The following LAMA5 variants were observed in gnomAD, a reference collection of about 807,000 sequenced individuals.
LAMA5 encodes laminin subunit alpha-5.
Under a neutral mutation model 433.4 loss-of-function variants are expected in LAMA5, and 260 were observed. The ratio of observed to expected loss-of-function variants is 0.60; its 90% CI spans 0.54 to 0.66. The LOEUF is 0.66. LAMA5 is among the 30% of genes least tolerant of loss of function. The pLI is 0.00. For synonymous variants in LAMA5, 2,620 were observed against 2,226.6 expected (o/e 1.18, Z -4.97); for missense variants, 5,378 against 5,258.5 (o/e 1.02, Z -0.70).
chr20:62,330,705 C>CCTGA, intron 30 of LAMA5, 38 bp downstream of exon 30: 1 of 1,555,522 alleles, frequency 6.4e-7, no homozygotes. Context: ...GGAGTCCTGC[C>CCTGA]CTGACACCCC....
chr20:62,347,803 T>TC (rs1983615051), intron 6 of LAMA5, among the ~76,000 whole-genome samples: 1 of 152,138 alleles, frequency 6.6e-6, no homozygotes, highest in South Asian at 2.1e-4. Context: ...CAGAAGTCAG[T>TC]CCAGTCCATG....
intron 9 of LAMA5, 84 bp from the exon 10 acceptor site, chr20:62,346,299 C>G: frequency 6.6e-7 from 1 of 1,513,866 alleles, no homozygotes; most frequent in East Asian, 2.4e-5. Context: ...TCTACCTCCC[C>G]AGCCAGGGCC....
chr20:62,352,753 G>T (rs540416909), intron 3 of LAMA5, among the ~76,000 whole-genome samples: 1 of 152,308 alleles, frequency 6.6e-6, no homozygotes. Context: ...GTGGCACGGG[G>T]CCAGGGACGG....
Position 62,352,084 on chromosome 20 carries a change from G to A in LAMA5, c.688-5C>T. The A allele has an allele frequency of 6.2e-7, 1 of 1,611,070 alleles. No homozygotes were observed. Among genetic ancestry groups the A allele is most frequent in the Non-Finnish European group, 8.5e-7 (1 of 1,179,728 alleles). ...GTTCACCAGGGACACCACGATCTGT[G>A]GGCAGTATGCGGTGACGCCAGTGTG... On this transcript the variant is annotated splice_region_variant and splice_polypyrimidine_tract_variant and intron_variant, in intron 4 of 79. Coordinates refer to ENST00000252999, the MANE Select transcript of LAMA5 (RefSeq NM_005560.6).
intron 21 of LAMA5, 25 bp downstream of exon 21, chr20:62,334,497 C>T: frequency 6.5e-7 from 1 of 1,537,318 alleles, no homozygotes; most frequent in Non-Finnish European, 8.8e-7. Context: ...CGCTCCCCAC[C>T]ACCCAGTGGG....
In LAMA5 at chr20:62,327,774, G is replaced by A. The variant is rs1168675704; in HGVS notation, c.4797+92C>T. 2.5e-6 allele frequency: 4 copies of A among 1,575,208 alleles called. No individual in the cohort carries two copies. The East Asian group carries it at 9.0e-5, about 35-fold the overall frequency. ...GGGATGACTCTCCCAAAAGCTTCTA[G>A]GAAGCCCCAGCTGCCCCGAAAGGCC... On this transcript the variant is annotated intron_variant, in intron 36 of 79. Coordinates refer to ENST00000252999, the MANE Select transcript of LAMA5 (RefSeq NM_005560.6).
intron 2 of LAMA5, among the ~76,000 whole-genome samples, chr20:62,360,818 T>C (rs902569885): frequency 3.3e-5 from 5 of 152,030 alleles, no homozygotes; most frequent in Admixed American, 2.0e-4. Context: ...AAAAGCAAAC[T>C]GGCTTCAGGC....
rs1254939229 is a variant in LAMA5, at chr20:62,322,700, C to T, written c.6123G>A (p.Leu2041=). Residue 2041 remains leucine (L), a synonymous_variant, in exon 46 of 80, where the codon CTG becomes CTA. Coordinates refer to ENST00000252999, the MANE Select transcript of LAMA5 (RefSeq NM_005560.6). Reference sequence around the variant, plus strand: ...GCCGCCCAGTCACGCCCGCCTTGCACAGGCAGTGCCCGCTGTGGGGGTCGC... The same window carrying T: ...GCCGCCCAGTCACGCCCGCCTTGCATAGGCAGTGCCCGCTGTGGGGGTCGC... ...EACDPHSGHC[L]CKAGVTGRRC... is the part of the protein sequence containing the mutation. The T allele has an allele frequency of 3.9e-6, 6 of 1,549,410 alleles. No homozygotes were observed. Among genetic ancestry groups the T allele is most frequent in the Non-Finnish European group, 5.2e-6 (6 of 1,149,212 alleles).
In LAMA5 at chr20:62,319,800, G is replaced by A. The variant is rs376963987; in HGVS notation, c.6760-5C>T. On this transcript the variant is annotated splice_region_variant and splice_polypyrimidine_tract_variant and intron_variant, in intron 50 of 79. Coordinates refer to ENST00000252999, the MANE Select transcript of LAMA5 (RefSeq NM_005560.6). ...CTGGTCTCGGGTCCCCACGGCCTGT[G>A]GAGGAAGAGCCCACTAGCCCACGCT... 740 of 1,542,834 alleles carry A rather than the reference G, an allele frequency of 4.8e-4. 4 individuals are homozygous for A. The African/African-American group carries it at 8.7e-3, about 18-fold the overall frequency.
At chr20:62,362,678 G>T in intron 1 of LAMA5, 126 bp from the exon 2 acceptor site, 1 of 787,590 alleles carries the variant, frequency 1.3e-6, no homozygotes, top group Non-Finnish European at 1.8e-6. Context: ...CAGCCTCTGC[G>T]CCCCTCATCC....
At position 62,311,918 on chromosome 20, in the gene LAMA5, A is replaced by ACC; in HGVS notation, c.9635_9635+1dup. On this transcript the variant is annotated splice_donor_variant, in intron 70 of 79. Transcript: ENST00000252999. LOFTEE classifies it high-confidence loss of function. ...CGATGAGGGCCCAGCGGCCAGGCTC[A>ACC]CCCCGTGGCATTGCTGTAGAAGGCG... 1 of 1,605,058 alleles carries ACC rather than the reference A, an allele frequency of 6.2e-7. No homozygotes were observed. Among genetic ancestry groups the ACC allele is most frequent in the Non-Finnish European group, 8.5e-7 (1 of 1,177,142 alleles).
chr20:62,329,368 GCCCAGC>G, intron 32 of LAMA5, 115 bp from the exon 33 acceptor site: 2 of 51,682 alleles, frequency 3.9e-5, no homozygotes, highest in Non-Finnish European at 7.3e-5. Context: ...GGCAGCAGCA[GCCCAGC>G]CCAGCCCAGC....
Position 62,322,446 on chromosome 20 carries a change from C to A in LAMA5, c.6169G>T (p.Gly2057Ter). 1 of 1,582,142 alleles carries A rather than the reference C, an allele frequency of 6.3e-7. No homozygotes were observed. The highest frequency in any genetic ancestry group is 8.6e-7 in the Non-Finnish European group (1 of 1,164,596). ...CCGCAGCCATCGAAACCAAAATGTC[C>A]CTCCTGTGGCACAGGCTGGTCACTG... ...TGRRCDRCQE[G>*]HFGFDGCGGC... The change falls in exon 47 of 80, where the codon GGA becomes TGA. Residue 2057 changes from glycine to a stop codon, truncating the protein, a stop_gained. Transcript: ENST00000252999. LOFTEE classifies it high-confidence loss of function.
intron 51 of LAMA5, 120 bp from the exon 52 acceptor site, chr20:62,319,133 G>T: frequency 9.2e-7 from 1 of 1,092,696 alleles, no homozygotes; most frequent in South Asian, 1.7e-5. Context: ...CCCGGAACCT[G>T]AGCGCACCTG....
Position 62,327,223 on chromosome 20 carries a change from C to G in LAMA5, c.5112+10G>C. On this transcript the variant is annotated intron_variant, in intron 38 of 79. Transcript: ENST00000252999. The stretch of plus-strand genomic sequence containing the variant: ...CAAAGTGCCTCCCCCAGACCTGATG[C>G]CCTGCTTACCCGGTCCCCCAGGTAG... 1 of 1,495,892 alleles carries G rather than the reference C, an allele frequency of 6.7e-7. No homozygotes were observed. Among genetic ancestry groups the G allele is most frequent in the South Asian group, 1.4e-5 (1 of 73,174 alleles). The allele number at this position is 1,495,892 out of a possible 1,614,324, so 92.7% of individuals were successfully genotyped here. A position where few individuals can be genotyped will look rare whatever the true frequency, so the allele number is the denominator to read the frequency against.
chr20:62,356,680 G>T (rs867677270), intron 2 of LAMA5, among the ~76,000 whole-genome samples: 3 of 152,012 alleles, frequency 2.0e-5, no homozygotes, highest in Non-Finnish European at 2.9e-5. Context: ...GGAGTACGGG[G>T]CCCAGGACCC....
chr20:62,361,601 G>C (rs781498317), intron 2 of LAMA5, among the ~76,000 whole-genome samples: 8 of 152,216 alleles, frequency 5.3e-5, no homozygotes, highest in Non-Finnish European at 1.2e-4. Flanking sequence ...CGGCGGAGCC[G>C]GCTGGGATGC....
At chr20:62,333,533 C>A in intron 24 of LAMA5, 31 bp downstream of exon 24, 1 of 1,573,242 alleles carries the variant, frequency 6.4e-7, no homozygotes, top group Non-Finnish European at 8.6e-7. Flanking sequence ...CCTGACCCGG[C>A]CCCCAGCCCT....
Position 62,314,921 on chromosome 20 carries a change from G to A in LAMA5, c.8074C>T (p.Gln2692Ter). ...SVSTLEKTLPQLLAKLSILEN... is the reference protein window; with the variant it reads ...SVSTLEKTLP ...AGGATGCTCAGCTTGGCCAGCAGCT[G>A]GGGCAGCGTCTTCTCCAGGGTGGAC... The change falls in exon 60 of 80, where the codon CAG becomes TAG. Residue 2692 changes from glutamine (Q) to a stop codon, truncating the protein, a stop_gained. Coordinates refer to ENST00000252999, the MANE Select transcript of LAMA5 (RefSeq NM_005560.6). LOFTEE classifies it high-confidence loss of function. The A allele has an allele frequency of 1.2e-6, 2 of 1,606,204 alleles. No homozygotes were observed. The highest frequency in any genetic ancestry group is 1.7e-6 in the Non-Finnish European group (2 of 1,178,496).
Sources: allele counts gnomAD v4.1 joint callset (sites outside exome capture counted in the v4.1 genomes callset), GRCh38; gene constraint gnomAD v4.1.1; transcripts MANE v1.5; gene names NCBI Gene and HGNC (gene_info 2026-07-23, HGNC 2026-07-21).